GUCY1A2: variants seen among roughly 807,000 people sequenced by gnomAD.
GUCY1A2 encodes the protein guanylate cyclase soluble subunit alpha-2.
GUCY1A2 carries 27 observed loss-of-function variants against 63.5 expected under a neutral mutation model. That is an observed-to-expected ratio of 0.43 (90% confidence interval 0.31 to 0.59). GUCY1A2 has a LOEUF of 0.59. Ranked by LOEUF, GUCY1A2 falls within the 20% of genes least tolerant of loss-of-function variation. The probability of loss-of-function intolerance (pLI) is 0.11; values close to 1 mark genes in which losing one functional copy is unlikely to be tolerated. For missense variants in GUCY1A2, 768 were observed against 913.3 expected (o/e 0.84, Z 2.05); for synonymous variants, 364 against 343.5 (o/e 1.06, Z -0.66).
At chr11:106,839,469 G>A (rs1444071202) in intron 4 of GUCY1A2, among the ~76,000 whole-genome samples, 1 of 151,954 alleles carries the variant, frequency 6.6e-6, no homozygotes, top group Non-Finnish European at 1.5e-5. Flanking sequence ...CCGGGATCTA[G>A]AACTAGAAAT....
chr11:106,922,007 AC>A (rs1398126664), intron 4 of GUCY1A2, among the ~76,000 whole-genome samples: 2 of 152,104 alleles, frequency 1.3e-5, no homozygotes, highest in African/African-American at 4.8e-5. Context: ...CATCAGCTCA[AC>A]CCCCAAAAAG....
intron 6 of GUCY1A2, among the ~76,000 whole-genome samples, chr11:106,709,695 G>A (rs1039407578): frequency 2.6e-5 from 3 of 115,174 alleles, no homozygotes; most frequent in African/African-American, 1.2e-4. Flanking sequence ...TTATATACAC[G>A]TATAGAATAT....
At position 106,988,702 on chromosome 11, in the gene GUCY1A2, G is replaced by C. The variant is rs545446783; in HGVS notation, c.304-2571C>G. Among the ~76,000 whole-genome samples the C allele has an allele frequency of 1.3e-4, 20 of 152,264 alleles. No individual in the cohort carries two copies. In the East Asian group the frequency reaches 3.7e-3, roughly 28 times the overall value. The stretch of plus-strand genomic sequence containing the variant: ...GCACTTCCTATTTCTTGCCAAAGTG[G>C]GCAGGCACATTCTAATAGCCTAAAC... On this transcript the variant is annotated intron_variant, in intron 1 of 7. Transcript: ENST00000526355.
intron 4 of GUCY1A2, among the ~76,000 whole-genome samples, chr11:106,871,350 T>C (rs933868689): frequency 6.6e-6 from 1 of 152,148 alleles, no homozygotes; most frequent in Admixed American, 6.6e-5. Flanking sequence ...ATAACAAACA[T>C]TTATTCTCTC....
At chr11:106,812,759 TTTG>T (rs529714780) in intron 4 of GUCY1A2, among the ~76,000 whole-genome samples, 2 of 151,994 alleles carry the variant, frequency 1.3e-5, no homozygotes, top group South Asian at 4.1e-4. Flanking sequence ...TGGCCATTAG[TTTG>T]TTTTCTGAAA....
intron 4 of GUCY1A2, among the ~76,000 whole-genome samples, chr11:106,874,650 A>G (rs1457204118): frequency 6.6e-6 from 1 of 152,156 alleles, no homozygotes; most frequent in African/African-American, 2.4e-5. Flanking sequence ...TATTGGCATA[A>G]AAATCTCAGC....
chr11:106,709,873 A>C (rs375698774), intron 6 of GUCY1A2, among the ~76,000 whole-genome samples: 120 of 107,424 alleles, frequency 1.1e-3, no homozygotes, highest in East Asian at 7.4e-3. Context: ...CACGTATAGA[A>C]TATATAGTTA....
At chr11:106,814,181 T>A (rs973328246) in intron 4 of GUCY1A2, among the ~76,000 whole-genome samples, 2 of 152,148 alleles carry the variant, frequency 1.3e-5, no homozygotes, top group South Asian at 4.1e-4. Context: ...CAGATATAGA[T>A]GTAGCTGCTG....
chr11:107,013,214 C>T (rs776126806), intron 1 of GUCY1A2, among the ~76,000 whole-genome samples: 1 of 152,080 alleles, frequency 6.6e-6, no homozygotes. Context: ...TTTTTCCTGA[C>T]ATTCTGCTCT....
At chr11:106,910,828 G>C (rs1860283455) in intron 4 of GUCY1A2, among the ~76,000 whole-genome samples, 1 of 152,038 alleles carries the variant, frequency 6.6e-6, no homozygotes, top group Non-Finnish European at 1.5e-5. Flanking sequence ...GCTTGTGCTA[G>C]TACATGTTGA....
At chr11:106,737,432 GT>G (rs1863610816) in intron 6 of GUCY1A2, among the ~76,000 whole-genome samples, 1 of 152,024 alleles carries the variant, frequency 6.6e-6, no homozygotes, top group Non-Finnish European at 1.5e-5. Flanking sequence ...AAGTGCTGGG[GT>G]ACATGTGCAA....
chr11:106,910,478 C>T (rs1480153146), intron 4 of GUCY1A2, among the ~76,000 whole-genome samples: 1 of 151,850 alleles, frequency 6.6e-6, no homozygotes, highest in Non-Finnish European at 1.5e-5. Flanking sequence ...AAATTAAAAC[C>T]AGAATATCTT....
At chr11:106,867,957 C>G (rs938771811) in intron 4 of GUCY1A2, among the ~76,000 whole-genome samples, 2 of 151,986 alleles carry the variant, frequency 1.3e-5, no homozygotes, top group African/African-American at 4.8e-5. Flanking sequence ...AGAATTGCCT[C>G]TCCCACCTTA....
At chr11:106,842,862 T>C (rs575248800) in intron 4 of GUCY1A2, among the ~76,000 whole-genome samples, 9 of 152,022 alleles carry the variant, frequency 5.9e-5, no homozygotes, top group African/African-American at 2.2e-4. Context: ...TGCAGCTGAT[T>C]CCTGGACCAC....
chr11:106,751,495 C>T (rs752806082), intron 6 of GUCY1A2, among the ~76,000 whole-genome samples: 1 of 150,846 alleles, frequency 6.6e-6, no homozygotes, highest in Non-Finnish European at 1.5e-5. Context: ...TGGGACTTGA[C>T]ACAGGACCAG....
intron 3 of GUCY1A2, among the ~76,000 whole-genome samples, chr11:106,976,257 A>C (rs1353597154): frequency 2.6e-5 from 4 of 152,128 alleles, no homozygotes; most frequent in African/African-American, 9.7e-5. Flanking sequence ...CATCCAAAAA[A>C]AAAGGTTCCC....
intron 3 of GUCY1A2, among the ~76,000 whole-genome samples, chr11:106,960,579 T>C (rs147654085): frequency 6.6e-6 from 1 of 152,316 alleles, no homozygotes; most frequent in Non-Finnish European, 1.5e-5. Context: ...AATGAATAAA[T>C]GCATATTCAG....
chr11:106,689,386 C>CA (rs1862582904), intron 7 of GUCY1A2, among the ~76,000 whole-genome samples: 1 of 152,084 alleles, frequency 6.6e-6, no homozygotes, highest in Non-Finnish European at 1.5e-5. Context: ...CTCCTTCTAA[C>CA]ATTTCAAAAT....
intron 4 of GUCY1A2, among the ~76,000 whole-genome samples, chr11:106,848,620 TA>T (rs1241241429): frequency 1.3e-5 from 2 of 151,680 alleles, no homozygotes; most frequent in Non-Finnish European, 3.0e-5. Context: ...ATTTTTGTTA[TA>T]AACAATTATG....
Sources: gnomAD v4.1 joint callset for allele counts (sites outside exome capture counted in the v4.1 genomes callset) on GRCh38, gnomAD v4.1.1 for gene constraint, MANE v1.5 for transcripts, NCBI Gene and HGNC (gene_info 2026-07-23, HGNC 2026-07-21) for gene names.